FAM193A: variants seen among roughly 807,000 people sequenced by gnomAD.
The protein encoded by FAM193A is family with sequence similarity 193 member A.
In FAM193A, 22 loss-of-function variants were observed where a neutral mutation model predicts 126.5. That is an observed-to-expected ratio of 0.17 (90% CI 0.12 to 0.25). The LOEUF (loss-of-function observed/expected upper bound fraction) is 0.25, where lower values mean the gene tolerates loss of function less well. FAM193A is among the 10% of genes least tolerant of loss of function. The pLI is 1.00. For synonymous variants in FAM193A, 761 were observed against 646.8 expected (o/e 1.18, Z -2.68); for missense variants, 1,675 against 1,672.8 (o/e 1.00, Z -0.02).
chr4:2,678,610 G>A (rs1039854847), intron 13 of FAM193A, among the ~76,000 whole-genome samples: 3 of 152,002 alleles, frequency 2.0e-5, no homozygotes, highest in African/African-American at 4.8e-5. Context: ...TGATCCGCCC[G>A]CCTCGGCTTC....
chr4:2,608,243 A>C, intron 2 of FAM193A: 1 of 848,958 alleles, frequency 1.2e-6, no homozygotes, highest in Non-Finnish European at 1.8e-6. Flanking sequence ...CAGTGGTGCA[A>C]TCCTGATTCT....
chr4:2,543,995 G>T (rs546658580), intron 1 of FAM193A, among the ~76,000 whole-genome samples: 1 of 151,868 alleles, frequency 6.6e-6, no homozygotes, highest in East Asian at 1.9e-4. Context: ...GGGTACATGA[G>T]GGTGCACTTA....
chr4:2,594,015 G>T (rs948062087), intron 1 of FAM193A, among the ~76,000 whole-genome samples: 5 of 152,056 alleles, frequency 3.3e-5, no homozygotes, highest in Admixed American at 6.6e-5. Context: ...CTGCCCCTGT[G>T]CCCCAAACAT....
Position 2,729,845 on chromosome 4 carries a change from C to T in FAM193A, c.4455-1930C>T, listed in dbSNP as rs1721180740. On this transcript the variant is annotated intron_variant, in intron 20 of 20. Transcript: ENST00000637812. The stretch of plus-strand genomic sequence containing the variant: ...CAGGCTGGCCTTGAACTTGTAAGCT[C>T]AAGTGATCCACGCACCTCAGCCTCC... 2.0e-5 allele frequency among the ~76,000 whole-genome samples: 3 copies of T among 152,164 alleles called. No homozygotes were observed. In the South Asian group the frequency reaches 6.2e-4, roughly 32 times the overall value.
intron 1 of FAM193A, among the ~76,000 whole-genome samples, chr4:2,548,987 G>T (rs558819185): frequency 6.6e-6 from 1 of 151,810 alleles, no homozygotes; most frequent in Non-Finnish European, 1.5e-5. Context: ...CGCCCAGGCT[G>T]GAGTGTAGTG....
intron 2 of FAM193A, among the ~76,000 whole-genome samples, chr4:2,597,328 T>A (rs979205860): frequency 1.3e-5 from 2 of 152,246 alleles, no homozygotes; most frequent in Non-Finnish European, 2.9e-5. Context: ...TTTTTATGGT[T>A]TTCTTTGTGT....
chr4:2,544,659 G>A (rs1441860273), intron 1 of FAM193A, among the ~76,000 whole-genome samples: 1 of 151,832 alleles, frequency 6.6e-6, no homozygotes, highest in African/African-American at 2.4e-5. Context: ...AGCCCAGATC[G>A]GGCCACTGCA....
intron 19 of FAM193A, among the ~76,000 whole-genome samples, chr4:2,704,214 G>A (rs140685576): frequency 0.073 from 10,324 of 141,520 alleles, 627 homozygotes; most frequent in African/African-American, 0.17. Flanking sequence ...AGTGAGCCGA[G>A]ATCACACCAC....
Position 2,696,548 on chromosome 4 carries a change from G to A in FAM193A, c.3462G>A (p.Val1154=). The A allele has an allele frequency of 6.2e-7, 1 of 1,614,214 alleles. No homozygotes were observed. The highest frequency in any genetic ancestry group is 8.5e-7 in the Non-Finnish European group (1 of 1,180,040). The change falls in exon 18 of 21, where the codon GTG becomes GTA. Residue 1154 remains valine (V), a synonymous_variant. Transcript: ENST00000637812. ...QFINSSETKP[V]SSTRAAKRAR... ...TAAATAGCTCCGAAACCAAACCAGT[G>A]AGCAGCACGCGTGCAGCGAAGCGAG...
chr4:2,707,158 G>A (rs908841039), intron 19 of FAM193A, among the ~76,000 whole-genome samples: 1 of 151,942 alleles, frequency 6.6e-6, no homozygotes, highest in Non-Finnish European at 1.5e-5. Flanking sequence ...ATCTTTGTCA[G>A]GATTCCATTA....
chr4:2,560,711 C>T (rs534104631), intron 1 of FAM193A, among the ~76,000 whole-genome samples: 1 of 152,314 alleles, frequency 6.6e-6, no homozygotes, highest in South Asian at 2.1e-4. Context: ...TGCAAAACAG[C>T]TTTGTCGTTT....
In FAM193A at chr4:2,700,535, A is replaced by G; in HGVS notation, c.4363A>G (p.Asn1455Asp). Residue 1455 changes from asparagine (N) to aspartate (D), a missense_variant, in exon 19 of 21, where the codon AAT (asparagine) becomes GAT (aspartate). Around this residue, in one of 4 missense-constraint regions of FAM193A, gnomAD observed 415 missense variants for 396.7 expected, o/e 1.05. Coordinates refer to ENST00000637812, the MANE Select transcript of FAM193A (RefSeq NM_001366318.2). Reference sequence around the variant, plus strand: ...GAAGAAGAAAGGAGACAGAGTCAACAATTCAATTGGTAAATACAGAATAGC... The same window carrying G: ...GAAGAAGAAAGGAGACAGAGTCAACGATTCAATTGGTAAATACAGAATAGC... ...NKKKKGDRVN[N>D]SIDDVFLPKD... 1 of 1,610,552 alleles carries G rather than the reference A, an allele frequency of 6.2e-7. No homozygotes were observed. The highest frequency in any genetic ancestry group is 8.5e-7 in the Non-Finnish European group (1 of 1,178,946).
At chr4:2,538,485 G>A (rs894635746) in intron 1 of FAM193A, among the ~76,000 whole-genome samples, 1 of 152,100 alleles carries the variant, frequency 6.6e-6, no homozygotes, top group Non-Finnish European at 1.5e-5. Flanking sequence ...GAGCCACCGC[G>A]CCCGGCCGTT....
At chr4:2,629,994 T>C (rs887435971) in intron 4 of FAM193A, among the ~76,000 whole-genome samples, 4 of 151,948 alleles carry the variant, frequency 2.6e-5, no homozygotes, top group Non-Finnish European at 4.4e-5. Context: ...TAGCCGGGCG[T>C]GGTGGCGGGC....
chr4:2,697,281 C>T (rs1717148633), intron 18 of FAM193A, among the ~76,000 whole-genome samples: 1 of 152,100 alleles, frequency 6.6e-6, no homozygotes, highest in Non-Finnish European at 1.5e-5. Context: ...ACTTGAACCT[C>T]AGAGGTGGAG....
intron 6 of FAM193A, among the ~76,000 whole-genome samples, chr4:2,642,937 G>GT (rs1302752007): frequency 3.2e-4 from 49 of 151,846 alleles, no homozygotes; most frequent in Admixed American, 2.5e-3. Flanking sequence ...GGGTTTCACC[G>GT]TGAAAACTCC....
intron 13 of FAM193A, among the ~76,000 whole-genome samples, chr4:2,679,597 C>T (rs773591687): frequency 6.6e-6 from 1 of 151,694 alleles, no homozygotes; most frequent in Non-Finnish European, 1.5e-5. Flanking sequence ...CAGCTGGTCT[C>T]GAACTCCCGA....
chr4:2,572,270 C>T (rs1467539596), intron 1 of FAM193A, among the ~76,000 whole-genome samples: 6 of 148,744 alleles, frequency 4.0e-5, no homozygotes, highest in Non-Finnish European at 7.4e-5. Flanking sequence ...CAGAGGTTGC[C>T]GTGAGCCAAG....
At chr4:2,724,661 G>A (rs1009146833) in intron 20 of FAM193A, among the ~76,000 whole-genome samples, 45 of 152,230 alleles carry the variant, frequency 3.0e-4, no homozygotes, top group African/African-American at 9.6e-4. Flanking sequence ...TGTGAGCTGC[G>A]ATTGTGCCGC....
Sources: gnomAD v4.1 joint callset for allele counts (sites outside exome capture counted in the v4.1 genomes callset) on GRCh38, gnomAD v4.1.1 for gene constraint, gnomAD v4.1.1 regional missense constraint, MANE v1.5 for transcripts, NCBI Gene and HGNC (gene_info 2026-07-23, HGNC 2026-07-21) for gene names.